BAZ2B: variants seen among roughly 807,000 people sequenced by gnomAD.
The protein encoded by BAZ2B is bromodomain adjacent to zinc finger domain 2B, also known as bromodomain adjacent to zinc finger domain protein 2B.
Under a neutral mutation model 246.0 loss-of-function variants are expected in BAZ2B, and 91 were observed. That is an observed-to-expected ratio of 0.37 (90% CI 0.31 to 0.44). BAZ2B has a LOEUF of 0.44. Among genes scored for constraint, BAZ2B ranks in the 20% least tolerant of loss-of-function variants. The pLI is 1.00. For synonymous variants in BAZ2B, 855 were observed against 860.0 expected, an observed-to-expected ratio of 0.99 and a Z score of 0.10; for missense variants, 2,332 against 2,533.7, an observed-to-expected ratio of 0.92 and a Z score of 1.71.
At chr2:159,347,060 C>T (rs1397032501) in intron 31 of BAZ2B, among the ~76,000 whole-genome samples, 1 of 151,988 alleles carries the variant, frequency 6.6e-6, no homozygotes, top group East Asian at 1.9e-4. Flanking sequence ...TATAACAAGG[C>T]TTGTATGTAA....
intron 3 of BAZ2B, among the ~76,000 whole-genome samples, chr2:159,476,144 C>T (rs1484291322): frequency 2.0e-5 from 3 of 152,096 alleles, no homozygotes; most frequent in East Asian, 3.9e-4. Context: ...TGCCCACAGC[C>T]GCACATTCCC....
chr2:159,430,856 T>C lies in BAZ2B; in HGVS notation c.2194+7A>G, dbSNP rs1450149837. On this transcript the variant is annotated splice_region_variant and intron_variant, in intron 10 of 36. Coordinates refer to ENST00000392783, the MANE Select transcript of BAZ2B (RefSeq NM_013450.4). ...ACTTTAGAATAATAAAAATAAAGTG[T>C]AGGTACCAGAGTGTGGGCTTGAAGT... The C allele has an allele frequency of 6.2e-7, 1 of 1,606,190 alleles. No homozygotes were observed. Among genetic ancestry groups the C allele is most frequent in the Admixed American group, 1.7e-5 (1 of 58,258 alleles).
At chr2:159,499,959 T>C (rs913824019) in intron 2 of BAZ2B, among the ~76,000 whole-genome samples, 2 of 152,186 alleles carry the variant, frequency 1.3e-5, no homozygotes, top group Non-Finnish European at 2.9e-5. Flanking sequence ...TTCTCCCATT[T>C]TGTAGGCTGT....
At chr2:159,662,603 C>T in the BAZ2B span, among the ~76,000 whole-genome samples, 7 of 152,284 alleles carry the variant, frequency 4.6e-5, no homozygotes, top group Admixed American at 2.0e-4. Flanking sequence ...CTGCTCACTG[C>T]AATCTCTGCT....
At chr2:159,453,101 GAAAACAAAAC>G (rs1340563840) in intron 4 of BAZ2B, among the ~76,000 whole-genome samples, 1 of 151,884 alleles carries the variant, frequency 6.6e-6, no homozygotes, top group Admixed American at 6.6e-5. Flanking sequence ...TTTCGTTTCA[GAAAACAAAAC>G]AAAACAAACA....
At chr2:159,349,324 A>AAACTT (rs2058314431) in intron 28 of BAZ2B, 44 bp from the exon 29 acceptor site, 1 of 1,489,034 alleles carries the variant, frequency 6.7e-7, no homozygotes, top group Admixed American at 2.4e-5. Context: ...GATTACTCTA[A>AAACTT]GAAGTTAGGA....
At chr2:159,574,142 TACACACACACACACACACAC>T (rs70997110) in intron 1 of BAZ2B, among the ~76,000 whole-genome samples, 1 of 145,070 alleles carries the variant, frequency 6.9e-6, no homozygotes, top group Non-Finnish European at 1.5e-5. Flanking sequence ...CACACACACA[TACACACACACACACACACAC>T]ACACACACAC....
At chr2:159,620,087 T>G (rs1696369489), upstream of BAZ2B, among the ~76,000 whole-genome samples, 1 of 152,230 alleles carries the variant, frequency 6.6e-6, no homozygotes, top group African/African-American at 2.4e-5. Flanking sequence ...AAGCAGCATC[T>G]GTTTTTACGA....
intron 34 of BAZ2B, among the ~76,000 whole-genome samples, chr2:159,331,215 G>A (rs1289496704): frequency 6.6e-6 from 1 of 152,178 alleles, no homozygotes; most frequent in Non-Finnish European, 1.5e-5. Context: ...GAGCCCGGAT[G>A]CAGAAGGACA....
intron 1 of BAZ2B, among the ~76,000 whole-genome samples, chr2:159,599,312 C>T (rs556682705): frequency 6.6e-6 from 1 of 152,248 alleles, no homozygotes; most frequent in East Asian, 1.9e-4. Context: ...TGGCAGGCCA[C>T]ACAAACTTAA....
At chr2:159,354,581 C>A (rs1032755504) in intron 27 of BAZ2B, among the ~76,000 whole-genome samples, 1 of 152,084 alleles carries the variant, frequency 6.6e-6, no homozygotes, top group Non-Finnish European at 1.5e-5. Flanking sequence ...GAACTCATGA[C>A]CTCACGTGAT....
intron 6 of BAZ2B, 148 bp downstream of exon 6, chr2:159,446,634 T>C (rs1449158652): frequency 1.6e-6 from 1 of 615,160 alleles, no homozygotes; most frequent in African/African-American, 1.9e-5. Flanking sequence ...TTATTTATAC[T>C]GGTACTGACA....
intron 31 of BAZ2B, among the ~76,000 whole-genome samples, chr2:159,344,126 T>C (rs2067298694): frequency 6.6e-6 from 1 of 151,816 alleles, no homozygotes; most frequent in African/African-American, 2.4e-5. Context: ...TGTAAACTAG[T>C]ACAGCCACTA....
intron 2 of BAZ2B, among the ~76,000 whole-genome samples, chr2:159,510,413 C>A (rs1020542114): frequency 1.3e-5 from 2 of 152,076 alleles, no homozygotes; most frequent in African/African-American, 4.8e-5. Flanking sequence ...ATCCTTGAGA[C>A]CCCGTCTCAG....
chr2:159,432,803 T>G lies in BAZ2B; in HGVS notation c.1854A>C (p.Glu618Asp), dbSNP rs373780987. The change falls in exon 9 of 37, where the codon GAA becomes GAC. Residue 618 changes from glutamate (E) to aspartate (D), a missense_variant. By Grantham distance (45) the Glu-to-Asp change is conservative. This residue lies in a region of BAZ2B where 651 missense variants were observed against 650.9 expected (regional missense o/e 1.00). Coordinates refer to ENST00000392783, the MANE Select transcript of BAZ2B (RefSeq NM_013450.4). Reference sequence around the variant, plus strand: ...CATCATCTTCATCATCTTCCTCATCTTCTTCTTCATCATCTTCCTCTTCAT... The same window carrying G: ...CATCATCTTCATCATCTTCCTCATCGTCTTCTTCATCATCTTCCTCTTCAT... ...NEDEEEDDEE[E>D]DEEDDEDDES... is the part of the protein sequence containing the mutation. 1 of 1,613,588 alleles carries G rather than the reference T, an allele frequency of 6.2e-7. No individual in the cohort carries two copies.
chr2:159,539,441 A>G (rs1285380563), intron 2 of BAZ2B, among the ~76,000 whole-genome samples: 1 of 152,272 alleles, frequency 6.6e-6, no homozygotes, highest in Non-Finnish European at 1.5e-5. Context: ...ACACAGCATA[A>G]AGAATTTATA....
intron 25 of BAZ2B, among the ~76,000 whole-genome samples, chr2:159,380,631 C>T (rs1167179629): frequency 6.6e-6 from 1 of 152,122 alleles, no homozygotes; most frequent in Non-Finnish European, 1.5e-5. Flanking sequence ...TTAATATGGA[C>T]CTGAACTATT....
At chr2:159,412,041 T>C (rs2066915278) in intron 14 of BAZ2B, 1 of 838,980 alleles carries the variant, frequency 1.2e-6, no homozygotes, top group African/African-American at 1.8e-5. Context: ...CCTTAAGGCA[T>C]GTGCCAAGTG....
At chr2:159,426,768 C>A (rs778015843) in intron 13 of BAZ2B, among the ~76,000 whole-genome samples, 2 of 151,984 alleles carry the variant, frequency 1.3e-5, no homozygotes, top group Non-Finnish European at 2.9e-5. Context: ...TTGTGTGTGA[C>A]CTTAAAAAAT....
Sources: gnomAD v4.1 joint callset for allele counts (sites outside exome capture counted in the v4.1 genomes callset) on GRCh38, gnomAD v4.1.1 for gene constraint, gnomAD v4.1.1 regional missense constraint, MANE v1.5 for transcripts, NCBI Gene and HGNC (gene_info 2026-07-23, HGNC 2026-07-21) for gene names.